SSH2: variants seen among roughly 807,000 people sequenced by gnomAD.
SSH2 encodes protein phosphatase Slingshot homolog 2.
Under a neutral mutation model 135.2 loss-of-function variants are expected in SSH2, and 37 were observed. That is an observed-to-expected ratio of 0.27 (90% CI 0.21 to 0.36). SSH2 has a LOEUF of 0.36. Among genes scored for constraint, SSH2 ranks in the 10% least tolerant of loss-of-function variants. The probability of loss-of-function intolerance (pLI) is 1.00; values close to 1 mark genes in which losing one functional copy is unlikely to be tolerated. For synonymous variants in SSH2, 628 were observed against 646.2 expected (o/e 0.97, Z 0.43); for missense variants, 1,408 against 1,765.3 (o/e 0.80, Z 3.63).
At position 29,629,848 on chromosome 17, in the gene SSH2, A is replaced by G. The variant is rs1338398998; in HGVS notation, c.*993T>C. ...TGGGGACAACAGCATGGGGAAGGAA[A>G]ATAAACTGGAAGAAAATATGGCCAT... On this transcript the variant is annotated 3_prime_UTR_variant, in exon 16 of 16. Transcript: ENST00000540801. 1.3e-5 allele frequency: 2 copies of G among 152,688 alleles called. No homozygotes were observed. Among genetic ancestry groups the G allele is most frequent in the Non-Finnish European group, 2.9e-5 (2 of 68,044 alleles). 9.5% of individuals were successfully genotyped at this position (152,688 alleles called of 1,614,324 possible).
At chr17:29,778,926 T>G (rs899622436) in intron 3 of SSH2, among the ~76,000 whole-genome samples, 2 of 150,778 alleles carry the variant, frequency 1.3e-5, no homozygotes, top group Non-Finnish European at 3.0e-5. Flanking sequence ...TTTTTATTAG[T>G]CTGGGTTTTC....
intron 1 of SSH2, among the ~76,000 whole-genome samples, chr17:29,861,913 T>G (rs1193478116): frequency 6.6e-6 from 1 of 152,224 alleles, no homozygotes; most frequent in Non-Finnish European, 1.5e-5. Context: ...ATCCAGTGTT[T>G]ACACCAATAA....
intron 2 of SSH2, among the ~76,000 whole-genome samples, chr17:29,823,701 A>G (rs2042694278): frequency 1.3e-5 from 2 of 152,114 alleles, no homozygotes; most frequent in Admixed American, 1.3e-4. Context: ...CAACATGGCG[A>G]AACCCCATTG....
chr17:29,922,964 G>A (rs1332266634), intron 1 of SSH2, among the ~76,000 whole-genome samples: 1 of 152,210 alleles, frequency 6.6e-6, no homozygotes, highest in Non-Finnish European at 1.5e-5. Context: ...AGGCTGGAGT[G>A]CAGTGGCACA....
Position 29,848,914 on chromosome 17 carries a change from CTTCCAAA to C in SSH2, c.72_78del (p.His24GlnfsTer44). 1 of 1,534,526 alleles carries C rather than the reference CTTCCAAA, an allele frequency of 6.5e-7. No homozygotes were observed. Among genetic ancestry groups the C allele is most frequent in the Non-Finnish European group, 8.7e-7 (1 of 1,145,912 alleles). The stretch of plus-strand genomic sequence containing the variant: ...CAAAGTAATGCTGCTGATTCACTGT[CTTCCAAA>C]TGAGAGCTCTGTAATACAAACAAGA... On this transcript the variant is annotated frameshift_variant, in exon 2 of 16. Transcript: ENST00000540801. LOFTEE classifies it high-confidence loss of function.
intron 1 of SSH2, among the ~76,000 whole-genome samples, chr17:29,885,832 T>G (rs2066227798): frequency 6.6e-6 from 1 of 152,220 alleles, no homozygotes; most frequent in African/African-American, 2.4e-5. Flanking sequence ...CTCTCTTGCC[T>G]GCCGCCATGT....
intron 1 of SSH2, among the ~76,000 whole-genome samples, chr17:29,914,323 G>A (rs1458478101): frequency 1.3e-5 from 2 of 152,072 alleles, no homozygotes. Context: ...CACTTTGGGA[G>A]TACAAGGCAG....
intron 1 of SSH2, among the ~76,000 whole-genome samples, chr17:29,868,836 G>C (rs966735228): frequency 8.5e-5 from 13 of 152,160 alleles, no homozygotes; most frequent in African/African-American, 3.1e-4. Context: ...CGTTCCCTTG[G>C]ATGGGGAGAA....
At chr17:29,865,230 A>G (rs1239225836) in intron 1 of SSH2, among the ~76,000 whole-genome samples, 1 of 152,254 alleles carries the variant, frequency 6.6e-6, no homozygotes, top group East Asian at 1.9e-4. Flanking sequence ...AGAAGTGTAA[A>G]GTAATTTCTG....
At chr17:29,868,844 G>T (rs1170848848) in intron 1 of SSH2, among the ~76,000 whole-genome samples, 1 of 152,076 alleles carries the variant, frequency 6.6e-6, no homozygotes, top group Non-Finnish European at 1.5e-5. Context: ...TGGATGGGGA[G>T]AAAAATTGGC....
intron 3 of SSH2, among the ~76,000 whole-genome samples, chr17:29,771,232 G>A (rs888535377): frequency 6.6e-6 from 1 of 152,108 alleles, no homozygotes; most frequent in African/African-American, 2.4e-5. Flanking sequence ...AGACAACAAT[G>A]AGAGCATATT....
At chr17:29,915,827 T>TCA (rs985789924) in intron 1 of SSH2, among the ~76,000 whole-genome samples, 4 of 151,574 alleles carry the variant, frequency 2.6e-5, no homozygotes, top group African/African-American at 9.7e-5. Context: ...TTTAAATTTT[T>TCA]TATATATATA....
chr17:29,685,888 G>A (rs902751149), intron 5 of SSH2, among the ~76,000 whole-genome samples: 19 of 141,458 alleles, frequency 1.3e-4, no homozygotes, highest in Admixed American at 7.3e-5. Flanking sequence ...CGCTCTTGTT[G>A]CTCAGGCTGG....
At chr17:29,909,383 T>TA (rs140294286) in intron 1 of SSH2, among the ~76,000 whole-genome samples, 41 of 148,972 alleles carry the variant, frequency 2.8e-4, no homozygotes, top group African/African-American at 3.4e-4. Context: ...ACGGTAAGAT[T>TA]AAAAAAAAAA....
intron 3 of SSH2, chr17:29,775,937 T>C (rs1470317248): frequency 6.6e-6 from 1 of 152,192 alleles, no homozygotes; most frequent in Non-Finnish European, 1.5e-5. Flanking sequence ...GCTAATAGAA[T>C]CCACATATCT....
At chr17:29,842,764 T>C (rs917450702) in intron 2 of SSH2, among the ~76,000 whole-genome samples, 2 of 152,200 alleles carry the variant, frequency 1.3e-5, no homozygotes, top group Admixed American at 6.5e-5. Context: ...ATAAGGATAT[T>C]GTTCATGGTA....
intron 3 of SSH2, among the ~76,000 whole-genome samples, chr17:29,756,273 A>G (rs902921609): frequency 6.6e-6 from 1 of 151,772 alleles, no homozygotes; most frequent in Admixed American, 6.6e-5. Context: ...CAAAAAAAAA[A>G]AAAAAAAGAG....
At position 29,667,256 on chromosome 17, in the gene SSH2, C is replaced by T. The variant is rs117132222; in HGVS notation, c.810-33G>A. ...GAGAGAAATAACGATTATTCTTAAACGATATTCTTAATAACGATTATTCTT... is the reference window on the plus strand; with the variant it reads ...GAGAGAAATAACGATTATTCTTAAATGATATTCTTAATAACGATTATTCTT... On this transcript the variant is annotated intron_variant, in intron 9 of 15. Transcript: ENST00000540801. 191 of 1,323,070 alleles carry T rather than the reference C, an allele frequency of 1.4e-4. No individual in the cohort carries two copies. The East Asian group carries it at 2.7e-3, about 19-fold the overall frequency. The allele number at this position is 1,323,070 out of a possible 1,614,324, so 82.0% of individuals were successfully genotyped here. A position where few individuals can be genotyped will look rare whatever the true frequency, so the allele number is the denominator to read the frequency against.
intron 5 of SSH2, among the ~76,000 whole-genome samples, chr17:29,691,177 C>T (rs1251261461): frequency 6.6e-6 from 1 of 151,842 alleles, no homozygotes; most frequent in Non-Finnish European, 1.5e-5. Context: ...ATGATGAAAA[C>T]CAAAATCATA....
Sources: allele counts gnomAD v4.1 joint callset (sites outside exome capture counted in the v4.1 genomes callset), GRCh38; gene constraint gnomAD v4.1.1; transcripts MANE v1.5; gene names NCBI Gene and HGNC (gene_info 2026-07-23, HGNC 2026-07-21).